The following RNF185 variants were observed in gnomAD, a reference collection of about 807,000 sequenced individuals.
RNF185 encodes the protein ring finger protein 185, also known as E3 ubiquitin-protein ligase RNF185.
In RNF185, 13 loss-of-function variants were observed where a neutral mutation model predicts 24.9. The observed-to-expected ratio is 0.52, with a 90% CI of 0.34 to 0.83. RNF185 has a LOEUF of 0.83. Ranked by LOEUF, RNF185 falls within the 40% of genes least tolerant of loss-of-function variation. The pLI is 0.01. For missense variants in RNF185, 184 were observed against 244.7 expected, an observed-to-expected ratio of 0.75 and a Z score of 1.65; for synonymous variants, 79 against 90.3, an observed-to-expected ratio of 0.88 and a Z score of 0.71.
At chr22:31,180,458 TG>T (rs1343765514) in intron 1 of RNF185, among the ~76,000 whole-genome samples, 1 of 151,442 alleles carries the variant, frequency 6.6e-6, no homozygotes, top group Non-Finnish European at 1.5e-5. Context: ...GACTGAGACT[TG>T]TCTCAAAAAA....
chr22:31,188,808 C>A (rs1187083065), intron 2 of RNF185, among the ~76,000 whole-genome samples: 1 of 151,146 alleles, frequency 6.6e-6, no homozygotes. Context: ...CAGAGAGAGA[C>A]CCTGTCTCTT....
chr22:31,196,339 C>T (rs1298971320), intron 4 of RNF185, among the ~76,000 whole-genome samples: 1 of 152,166 alleles, frequency 6.6e-6, no homozygotes. Flanking sequence ...GGCTTTATCC[C>T]CCTTGAAACC....
chr22:31,202,163 A>G (rs2048269465), intron 6 of RNF185, among the ~76,000 whole-genome samples: 1 of 152,028 alleles, frequency 6.6e-6, no homozygotes, highest in African/African-American at 2.4e-5. Context: ...AGGTCTACCA[A>G]CTGCTGCTGC....
At chr22:31,175,223 G>A (rs1251182842) in intron 1 of RNF185, among the ~76,000 whole-genome samples, 1 of 152,038 alleles carries the variant, frequency 6.6e-6, no homozygotes, top group Non-Finnish European at 1.5e-5. Flanking sequence ...GCTGAGGCAG[G>A]TGGATTGCTT....
At chr22:31,203,513 T>TG (rs1405558207) in intron 6 of RNF185, among the ~76,000 whole-genome samples, 1 of 152,142 alleles carries the variant, frequency 6.6e-6, no homozygotes. Flanking sequence ...CTACTCAAAA[T>TG]GGAAATAATA....
chr22:31,192,770 G>A, intron 3 of RNF185, 68 bp downstream of exon 3: 1 of 1,465,958 alleles, frequency 6.8e-7, no homozygotes, highest in African/African-American at 1.4e-5. Context: ...CTAGTCTCAG[G>A]AGACTGCTTT....
intron 1 of RNF185, among the ~76,000 whole-genome samples, chr22:31,180,328 G>T (rs559305636): frequency 6.6e-6 from 1 of 152,118 alleles, no homozygotes; most frequent in East Asian, 1.9e-4. Context: ...GCTGGGCGTG[G>T]TGGTGGGCAC....
intron 6 of RNF185, among the ~76,000 whole-genome samples, chr22:31,203,239 C>T (rs1186467908): frequency 7.9e-5 from 12 of 151,730 alleles, no homozygotes; most frequent in Admixed American, 6.6e-5. Context: ...CCTCCTTCCC[C>T]CAAAGTCAGG....
rs2048301436 is a variant in RNF185, at chr22:31,205,025, GT to G, written c.*440del. 1 of 189,236 alleles carries G rather than the reference GT, an allele frequency of 5.3e-6. No homozygotes were observed. Among genetic ancestry groups the G allele is most frequent in the Non-Finnish European group, 1.3e-5 (1 of 77,754 alleles). 11.7% of individuals were successfully genotyped at this position (189,236 alleles called of 1,614,324 possible). ...CCTTGGTAAGTTGCTTCTGAAGCCA[GT>G]GGGGGCTCCTCAGATAGAGAGGTTC... On this transcript the variant is annotated 3_prime_UTR_variant, in exon 7 of 7. Transcript: ENST00000326132.
chr22:31,174,380 T>A lies in RNF185; in HGVS notation c.-48-12667T>A, dbSNP rs67824070. Among the ~76,000 whole-genome samples, 176 of 24,994 alleles carry A rather than the reference T, an allele frequency of 7.0e-3. 4 individuals carry two copies. The highest frequency in any genetic ancestry group is 0.042 in the Middle Eastern group (1 of 24). The allele number at this position is 24,994 out of a possible 152,430, so 16.4% of individuals were successfully genotyped here. A position where few individuals can be genotyped will look rare whatever the true frequency, so the allele number is the denominator to read the frequency against. ...ATCCCATTTCACTCTTTAAAAAAAATTTTTTTTTTTAATTTAAGAAACAGA... is the reference window on the plus strand; with the variant it reads ...ATCCCATTTCACTCTTTAAAAAAAAATTTTTTTTTTAATTTAAGAAACAGA... On this transcript the variant is annotated intron_variant, in intron 1 of 6. Transcript: ENST00000326132.
chr22:31,189,149 G>A (rs997609367), intron 2 of RNF185, among the ~76,000 whole-genome samples: 1 of 149,136 alleles, frequency 6.7e-6, no homozygotes, highest in Admixed American at 6.7e-5. Flanking sequence ...GTGTGTGTGT[G>A]TGTGTGTGTG....
At chr22:31,204,052 A>G (rs1036083293) in intron 6 of RNF185, among the ~76,000 whole-genome samples, 2 of 149,658 alleles carry the variant, frequency 1.3e-5, no homozygotes, top group African/African-American at 4.9e-5. Flanking sequence ...AAAAAGAAAA[A>G]AAAAAAAAAA....
At chr22:31,165,192 A>C (rs1231568364) in intron 1 of RNF185, among the ~76,000 whole-genome samples, 1 of 152,090 alleles carries the variant, frequency 6.6e-6, no homozygotes, top group African/African-American at 2.4e-5. Flanking sequence ...TGCTGGGATT[A>C]CAGGTGTGAG....
At chr22:31,169,861 C>T (rs1445570564) in intron 1 of RNF185, among the ~76,000 whole-genome samples, 1 of 151,582 alleles carries the variant, frequency 6.6e-6, no homozygotes, top group Non-Finnish European at 1.5e-5. Flanking sequence ...AACCGTACTT[C>T]TCTACTCTGC....
At chr22:31,188,732 G>C (rs922549837) in intron 2 of RNF185, among the ~76,000 whole-genome samples, 2 of 151,806 alleles carry the variant, frequency 1.3e-5, no homozygotes, top group Non-Finnish European at 2.9e-5. Flanking sequence ...TGGGAGGAAG[G>C]CTTGAGCCCA....
At position 31,163,044 on chromosome 22, in the gene RNF185, G is replaced by A. The variant is rs190276390; in HGVS notation, c.-49+2741G>A. 3.6e-4 allele frequency among the ~76,000 whole-genome samples: 55 copies of A among 152,194 alleles called. No individual in the cohort carries two copies. The South Asian group carries it at 5.4e-3, about 15-fold the overall frequency. On this transcript the variant is annotated intron_variant, in intron 1 of 6. Coordinates refer to ENST00000326132, the MANE Select transcript of RNF185 (RefSeq NM_152267.4). ...CTCCCAAGGTGCTGGGATTACAGGC[G>A]TGAGCCACCACGTCTGGCCTGCTTT...
At chr22:31,204,080 C>T (rs1294304065) in intron 6 of RNF185, among the ~76,000 whole-genome samples, 2 of 149,012 alleles carry the variant, frequency 1.3e-5, no homozygotes, top group East Asian at 3.9e-4. Context: ...CATGGTGGCT[C>T]ATGCCTGTAA....
intron 2 of RNF185, among the ~76,000 whole-genome samples, chr22:31,191,232 T>C (rs5749229): frequency 0.79 from 120,564 of 152,152 alleles, 48,702 homozygotes; most frequent in African/African-American, 0.95. Flanking sequence ...TCCCCTAGAG[T>C]CTTTAAGGGA....
chr22:31,201,687 G>A, intron 6 of RNF185, 72 bp downstream of exon 6: 1 of 1,073,902 alleles, frequency 9.3e-7, no homozygotes, highest in South Asian at 1.3e-5. Flanking sequence ...TTGGAATTCA[G>A]CAGTATATAA....
Sources: gnomAD v4.1 joint callset for allele counts (sites outside exome capture counted in the v4.1 genomes callset) on GRCh38, gnomAD v4.1.1 for gene constraint, MANE v1.5 for transcripts, NCBI Gene and HGNC (gene_info 2026-07-23, HGNC 2026-07-21) for gene names.